The following NDUFB5 variants were observed in gnomAD, a reference collection of about 807,000 sequenced individuals.
NDUFB5 encodes the protein NADH:ubiquinone oxidoreductase subunit B5, also known as NADH dehydrogenase [ubiquinone] 1 beta subcomplex subunit 5, mitochondrial.
NDUFB5 carries 19 observed loss-of-function variants against 19.4 expected under a neutral mutation model. The ratio of observed to expected loss-of-function variants is 0.98; its 90% CI spans 0.68 to 1.43. The LOEUF is 1.43. NDUFB5 is among the 40% of genes most tolerant of loss of function. NDUFB5 has a pLI of 0.00. For synonymous variants in NDUFB5, 80 were observed against 82.6 expected, an observed-to-expected ratio of 0.97 and a Z score of 0.17; for missense variants, 233 against 236.5, an observed-to-expected ratio of 0.99 and a Z score of 0.10.
chr3:179,618,615 A>G (rs1283156218), intron 5 of NDUFB5, 94 bp downstream of exon 5: 4 of 803,206 alleles, frequency 5.0e-6, no homozygotes, highest in African/African-American at 3.5e-5. Flanking sequence ...TTTCAGCACT[A>G]TAGGATACTT....
At chr3:179,612,661 A>G (rs1719276875) in intron 1 of NDUFB5, among the ~76,000 whole-genome samples, 1 of 149,734 alleles carries the variant, frequency 6.7e-6, no homozygotes. Context: ...TATTTTTAGT[A>G]GAGACGGGGT....
intron 1 of NDUFB5, 104 bp downstream of exon 1, chr3:179,605,043 A>G: frequency 5.7e-6 from 8 of 1,402,112 alleles, no homozygotes; most frequent in Middle Eastern, 2.5e-4. Context: ...AGCCGGGACA[A>G]GTTGTGGGCT....
intron 1 of NDUFB5, among the ~76,000 whole-genome samples, chr3:179,611,890 G>A (rs1040012094): frequency 4.6e-5 from 7 of 152,086 alleles, no homozygotes; most frequent in South Asian, 4.1e-4. Flanking sequence ...GCTTTAGAGA[G>A]CAGTGAAAGA....
At chr3:179,616,675 A>C (rs1719387633) in intron 3 of NDUFB5, among the ~76,000 whole-genome samples, 2 of 152,228 alleles carry the variant, frequency 1.3e-5, no homozygotes, top group African/African-American at 4.8e-5. Flanking sequence ...TATCATAGGT[A>C]TAGGGAAGAC....
intron 1 of NDUFB5, 106 bp downstream of exon 1, chr3:179,605,045 T>C: frequency 1.4e-6 from 2 of 1,399,512 alleles, no homozygotes; most frequent in African/African-American, 1.5e-5. Context: ...CCGGGACAAG[T>C]TGTGGGCTTG....
At position 179,624,378 on chromosome 3, in the gene NDUFB5, T is replaced by G. The variant is rs1464921646; in HGVS notation, c.*338T>G. ...TTATAGTATTTTGTACAAATGCCTG[T>G]ACTGTAGATGTCTGTATTATTGAGG... On this transcript the variant is annotated 3_prime_UTR_variant, in exon 6 of 6. Transcript: ENST00000259037. The G allele has an allele frequency of 5.5e-6, 1 of 181,988 alleles. No individual in the cohort carries two copies. Among genetic ancestry groups the G allele is most frequent in the African/African-American group, 2.4e-5 (1 of 41,784 alleles). The allele number at this position is 181,988 out of a possible 1,614,324, so 11.3% of individuals were successfully genotyped here.
chr3:179,611,574 A>G, intron 1 of NDUFB5, among the ~76,000 whole-genome samples: 1 of 150,996 alleles, frequency 6.6e-6, no homozygotes. Context: ...AATTTTTTGT[A>G]TTTTTAGTAG....
At chr3:179,610,829 A>C (rs1254487511) in intron 1 of NDUFB5, among the ~76,000 whole-genome samples, 1 of 152,232 alleles carries the variant, frequency 6.6e-6, no homozygotes, top group Non-Finnish European at 1.5e-5. Context: ...TTATAATTGA[A>C]GACTGATATG....
intron 5 of NDUFB5, among the ~76,000 whole-genome samples, chr3:179,623,411 G>A (rs1298058975): frequency 3.9e-5 from 6 of 152,200 alleles, no homozygotes. Flanking sequence ...GGTGGCTCAC[G>A]CCTGTAATCC....
At chr3:179,622,130 A>G (rs184466752) in intron 5 of NDUFB5, among the ~76,000 whole-genome samples, 9 of 151,906 alleles carry the variant, frequency 5.9e-5, no homozygotes, top group South Asian at 2.1e-4. Flanking sequence ...ACCATGCCCA[A>G]CTAATTGTTT....
At position 179,626,536 on chromosome 3, in the gene NDUFB5, A is replaced by G. The variant is rs112458943; in HGVS notation, c.*2496A>G. 7.8e-6 allele frequency: 1 copy of G among 128,834 alleles called. No individual in the cohort carries two copies. Among genetic ancestry groups the G allele is most frequent in the Non-Finnish European group, 1.5e-5 (1 of 64,720 alleles). The allele number at this position is 128,834 out of a possible 1,614,324, so 8.0% of individuals were successfully genotyped here. A position where few individuals can be genotyped will look rare whatever the true frequency, so the allele number is the denominator to read the frequency against. On this transcript the variant is annotated 3_prime_UTR_variant, in exon 6 of 6. Transcript: ENST00000259037. The stretch of plus-strand genomic sequence containing the variant: ...TTAGGCGTGCCTGGCCTTTTTGTCC[A>G]TTTTATTTTTTTGAGATGGAGTCTT...
chr3:179,606,667 T>G (rs1719111652), intron 1 of NDUFB5, among the ~76,000 whole-genome samples: 1 of 152,198 alleles, frequency 6.6e-6, no homozygotes. Flanking sequence ...TTTAAAGTAT[T>G]AATTTATTTA....
At chr3:179,617,255 A>G (rs1293826341) in intron 4 of NDUFB5, 1 of 375,790 alleles carries the variant, frequency 2.7e-6, no homozygotes. Context: ...CTCATGCCTC[A>G]GTCTCCCACG....
chr3:179,623,411 G>T (rs1298058975), intron 5 of NDUFB5, among the ~76,000 whole-genome samples: 1 of 152,200 alleles, frequency 6.6e-6, no homozygotes, highest in Non-Finnish European at 1.5e-5. Flanking sequence ...GGTGGCTCAC[G>T]CCTGTAATCC....
intron 2 of NDUFB5, chr3:179,615,640 T>C (rs1437876812): frequency 4.1e-6 from 2 of 485,192 alleles, no homozygotes; most frequent in East Asian, 1.2e-4. Flanking sequence ...GAATCATCAT[T>C]TGAGTACTGA....
chr3:179,620,634 G>A (rs1719511177), intron 5 of NDUFB5, among the ~76,000 whole-genome samples: 2 of 152,146 alleles, frequency 1.3e-5, no homozygotes, highest in Admixed American at 6.5e-5. Context: ...GTAGCGTGAT[G>A]CCTCCAGCTT....
At chr3:179,620,846 C>T (rs978391130) in intron 5 of NDUFB5, among the ~76,000 whole-genome samples, 1 of 152,132 alleles carries the variant, frequency 6.6e-6, no homozygotes, top group Admixed American at 6.5e-5. Context: ...ATAGCACATG[C>T]TTTTAAACTT....
intron 1 of NDUFB5, among the ~76,000 whole-genome samples, chr3:179,614,239 T>G (rs1185292886): frequency 6.6e-6 from 1 of 152,172 alleles, no homozygotes; most frequent in Non-Finnish European, 1.5e-5. Flanking sequence ...AAATTTTGCC[T>G]CAGTTTACTT....
At position 179,624,448 on chromosome 3, in the gene NDUFB5, A is replaced by G. The variant is rs905939556; in HGVS notation, c.*408A>G. 22 of 154,194 alleles carry G rather than the reference A, an allele frequency of 1.4e-4. No homozygotes were observed. The highest frequency in any genetic ancestry group is 5.2e-4 in the Admixed American group (8 of 15,370). The allele number at this position is 154,194 out of a possible 1,614,324, so 9.6% of individuals were successfully genotyped here. ...TTCCATAAAGTATTGAACCAACTCTAAAATGTTAACTCCTTAATAAACAGA... is the reference window on the plus strand; with the variant it reads ...TTCCATAAAGTATTGAACCAACTCTGAAATGTTAACTCCTTAATAAACAGA... On this transcript the variant is annotated 3_prime_UTR_variant, in exon 6 of 6. Transcript: ENST00000259037.
Sources: allele counts gnomAD v4.1 joint callset (sites outside exome capture counted in the v4.1 genomes callset), GRCh38; gene constraint gnomAD v4.1.1; transcripts MANE v1.5; gene names NCBI Gene and HGNC (gene_info 2026-07-23, HGNC 2026-07-21).